CSMD1: variants seen among roughly 807,000 people sequenced by gnomAD.
CSMD1 encodes the protein CUB and Sushi multiple domains 1.
A neutral mutation model predicts 417.5 loss-of-function variants in CSMD1; 213 were observed. The ratio of observed to expected loss-of-function variants is 0.51; its 90% confidence interval spans 0.46 to 0.57. The LOEUF is 0.57. CSMD1 is among the 20% of genes least tolerant of loss of function. CSMD1 has a pLI of 0.00. For missense variants in CSMD1, 6,923 were observed against 4,529.7 expected (o/e 1.53, Z -15.17); for synonymous variants, 2,862 against 1,736.8 (o/e 1.65, Z -16.11).
chr8:3,543,641 A>G (rs1364303068), intron 10 of CSMD1, among the ~76,000 whole-genome samples: 1 of 152,128 alleles, frequency 6.6e-6, no homozygotes, highest in East Asian at 1.9e-4. Context: ...AATAACTGAA[A>G]AAAAAAAAGA....
rs376173422 is a variant in CSMD1 at position 3,367,161 on chromosome 8, C to T, written c.2986G>A (p.Val996Ile). The change falls in exon 20 of 70, where the codon GTT becomes ATT. Residue 996 changes from valine (V) to isoleucine (I), a missense_variant. Transcript: ENST00000635120. ...ITEDGSFSEP[V>I]ARLTGSVLPH... ...AACACCGACCCGGTGAGCCTGGCAA[C>T]GGGCTCGGAAAAACTTCCATCCTCT... The T allele has an allele frequency of 1.6e-5, 26 of 1,613,478 alleles. No homozygotes were observed. The East Asian group carries it at 3.3e-4, about 21-fold the overall frequency.
chr8:3,535,386 G>A (rs990270998), intron 10 of CSMD1, among the ~76,000 whole-genome samples: 1 of 152,186 alleles, frequency 6.6e-6, no homozygotes, highest in Non-Finnish European at 1.5e-5. Context: ...GGAAATAAAA[G>A]TGTGAACCCT....
At chr8:3,417,933 C>G (rs1231424764) in intron 12 of CSMD1, among the ~76,000 whole-genome samples, 1 of 152,194 alleles carries the variant, frequency 6.6e-6, no homozygotes, top group Non-Finnish European at 1.5e-5. Context: ...AGCACTTGGA[C>G]AGACATGGAG....
intron 3 of CSMD1, among the ~76,000 whole-genome samples, chr8:4,131,728 T>C (rs80019961): frequency 4.2e-3 from 622 of 147,698 alleles, no homozygotes; most frequent in Non-Finnish European, 6.9e-3. Flanking sequence ...GCAGTTGTTA[T>C]CAAGATTAAA....
chr8:3,709,226 G>C (rs1267734284), intron 6 of CSMD1, among the ~76,000 whole-genome samples: 1 of 148,108 alleles, frequency 6.8e-6, no homozygotes, highest in Non-Finnish European at 1.5e-5. Flanking sequence ...AAAATGTTAT[G>C]ATCTTCTAAG....
intron 3 of CSMD1, among the ~76,000 whole-genome samples, chr8:4,180,681 G>T (rs182198157): frequency 6.6e-6 from 1 of 152,132 alleles, no homozygotes; most frequent in Non-Finnish European, 1.5e-5. Context: ...CCATATGAAA[G>T]GCAAGGTAGC....
intron 3 of CSMD1, among the ~76,000 whole-genome samples, chr8:4,351,015 G>T (rs995497997): frequency 1.3e-5 from 2 of 152,082 alleles, no homozygotes; most frequent in South Asian, 2.1e-4. Flanking sequence ...TTAAAGTTCT[G>T]TCTTGGCTAC....
At chr8:3,764,573 G>A (rs1269219765) in intron 5 of CSMD1, among the ~76,000 whole-genome samples, 1 of 151,998 alleles carries the variant, frequency 6.6e-6, no homozygotes, top group Non-Finnish European at 1.5e-5. Flanking sequence ...GTCTGCAAGA[G>A]AGGATTTAAA....
intron 1 of CSMD1, among the ~76,000 whole-genome samples, chr8:4,892,171 A>G (rs974932152): frequency 2.0e-5 from 3 of 152,162 alleles, no homozygotes; most frequent in African/African-American, 7.2e-5. Flanking sequence ...TAGTTTCATT[A>G]AGGCATAATT....
At chr8:4,639,119 G>A (rs965564761) in intron 1 of CSMD1, among the ~76,000 whole-genome samples, 4 of 152,032 alleles carry the variant, frequency 2.6e-5, no homozygotes, top group Admixed American at 1.3e-4. Flanking sequence ...TTTCATTTCC[G>A]CTACTCCTGA....
chr8:4,824,869 G>A (rs1197595315), intron 1 of CSMD1, among the ~76,000 whole-genome samples: 4 of 152,114 alleles, frequency 2.6e-5, no homozygotes, highest in African/African-American at 9.7e-5. Flanking sequence ...AAATGTCATT[G>A]TAATAGAACG....
intron 26 of CSMD1, among the ~76,000 whole-genome samples, chr8:3,246,930 T>G (rs1425786067): frequency 1.3e-5 from 2 of 152,208 alleles, no homozygotes; most frequent in Non-Finnish European, 2.9e-5. Context: ...AAAAAAGTGT[T>G]TTAGAAAGCT....
intron 3 of CSMD1, among the ~76,000 whole-genome samples, chr8:4,091,558 C>T (rs771188154): frequency 6.6e-5 from 10 of 152,096 alleles, no homozygotes; most frequent in Admixed American, 2.0e-4. Flanking sequence ...ACGTGGCCAC[C>T]GCTCCTTTCT....
chr8:4,334,747 C>T (rs544580719), intron 3 of CSMD1, among the ~76,000 whole-genome samples: 1 of 152,112 alleles, frequency 6.6e-6, no homozygotes, highest in African/African-American at 2.4e-5. Context: ...ACGATACGCT[C>T]GACTCTACTG....
intron 7 of CSMD1, among the ~76,000 whole-genome samples, chr8:3,628,998 G>A (rs1001454263): frequency 3.3e-5 from 5 of 152,050 alleles, no homozygotes; most frequent in African/African-American, 1.2e-4. Flanking sequence ...AAAAGGGAAA[G>A]AAAAAGATAA....
chr8:3,068,744 C>T (rs1349161992), intron 49 of CSMD1, among the ~76,000 whole-genome samples: 1 of 152,054 alleles, frequency 6.6e-6, no homozygotes, highest in Non-Finnish European at 1.5e-5. Flanking sequence ...GAACAGATCT[C>T]GTGAGAACTC....
chr8:4,311,160 G>C (rs902630307), intron 3 of CSMD1, among the ~76,000 whole-genome samples: 5 of 152,152 alleles, frequency 3.3e-5, no homozygotes, highest in Non-Finnish European at 7.3e-5. Flanking sequence ...TGTAAGCCCA[G>C]TGGAATATAA....
intron 1 of CSMD1, among the ~76,000 whole-genome samples, chr8:4,810,876 C>A (rs1585137868): frequency 6.6e-6 from 1 of 152,112 alleles, no homozygotes; most frequent in South Asian, 2.1e-4. Context: ...AAAACTGTAA[C>A]AGCCTTGTGT....
At chr8:3,810,039 G>C (rs1160914422) in intron 5 of CSMD1, among the ~76,000 whole-genome samples, 3 of 152,170 alleles carry the variant, frequency 2.0e-5, no homozygotes, top group African/African-American at 4.8e-5. Context: ...CATGTCTGTA[G>C]TCCTCTGTCA....
Sources: gnomAD v4.1 joint callset for allele counts (sites outside exome capture counted in the v4.1 genomes callset) on GRCh38, gnomAD v4.1.1 for gene constraint, MANE v1.5 for transcripts, NCBI Gene and HGNC (gene_info 2026-07-23, HGNC 2026-07-21) for gene names.